Variants in ELK4 observed in about 807,000 individuals in gnomAD.
ELK4 encodes ETS transcription factor ELK4, also known as ETS domain-containing protein Elk-4.
A neutral mutation model predicts 29.6 loss-of-function variants in ELK4; 16 were observed. That is an observed-to-expected ratio of 0.54 (90% CI 0.37 to 0.82). The LOEUF is 0.82. Ranked by LOEUF, ELK4 falls within the 40% of genes least tolerant of loss-of-function variation. The probability of loss-of-function intolerance (pLI) is 0.00; values close to 1 mark genes in which losing one functional copy is unlikely to be tolerated. For missense variants in ELK4, 465 were observed against 507.1 expected (o/e 0.92, Z 0.80); for synonymous variants, 213 against 191.1 (o/e 1.11, Z -0.95).
intron 1 of ELK4, among the ~76,000 whole-genome samples, chr1:205,631,391 C>T (rs918345199): frequency 3.7e-5 from 4 of 108,736 alleles, no homozygotes; most frequent in Admixed American, 9.9e-5. Flanking sequence ...CGCCACCTTT[C>T]GCCCACGAGA....
rs139227147 is a variant in ELK4 at position 205,617,058 on chromosome 1, C to T, written c.1198-414G>A. 2.0e-3 allele frequency among the ~76,000 whole-genome samples: 307 copies of T among 152,264 alleles called. 3 individuals are homozygous for T. In the South Asian group the frequency reaches 0.028, roughly 14 times the overall value. On this transcript the variant is annotated intron_variant, in intron 4 of 4. Transcript: ENST00000357992. ...CCAGAAAGGTATAAATAGCACTCATCCTAGAAAAGGGTTCCCCATCAAGTA... is the reference window on the plus strand; with the variant it reads ...CCAGAAAGGTATAAATAGCACTCATTCTAGAAAAGGGTTCCCCATCAAGTA...
intron 1 of ELK4, among the ~76,000 whole-genome samples, chr1:205,630,684 T>C (rs969424471): frequency 2.0e-5 from 3 of 152,340 alleles, no homozygotes; most frequent in South Asian, 2.1e-4. Context: ...ACTACCTCAC[T>C]AGGAATGAAC....
intron 4 of ELK4, among the ~76,000 whole-genome samples, chr1:205,618,470 T>C (rs1235031032): frequency 1.3e-5 from 2 of 152,218 alleles, no homozygotes; most frequent in Non-Finnish European, 2.9e-5. Context: ...TTTGCTATAT[T>C]TATTCAAGCT....
At position 205,620,594 on chromosome 1, in the gene ELK4, G is replaced by C. The variant is rs1670321262; in HGVS notation, c.452C>G (p.Thr151Ser). 1.2e-6 allele frequency: 2 copies of C among 1,614,196 alleles called. No homozygotes were observed. Among genetic ancestry groups the C allele is most frequent in the Non-Finnish European group, 1.7e-6 (2 of 1,180,028 alleles). ...ATTGGAGGAGTTCAAAGAGTTGAGA[G>C]TAAATGAAGAATATAAGCCAGAGTG... is the stretch of plus-strand genomic sequence containing the variant. ...YIHSGLYSSF[T>S]LNSLNSSNVK... The change falls in exon 3 of 5, where the codon ACT (threonine) becomes AGT (serine). Residue 151 changes from threonine (T) to serine (S), a missense_variant. By Grantham distance (58) the Thr-to-Ser change is moderately conservative. Transcript: ENST00000357992.
chr1:205,619,739 A>G, intron 3 of ELK4: 1 of 1,467,314 alleles, frequency 6.8e-7, no homozygotes, highest in Non-Finnish European at 9.0e-7. Context: ...CAAAATATTT[A>G]TTTACTTGTA....
rs113880556 is a variant in ELK4, at chr1:205,622,397, T to C, written c.207+1279A>G. On this transcript the variant is annotated intron_variant, in intron 2 of 4. Coordinates refer to ENST00000357992, the MANE Select transcript of ELK4 (RefSeq NM_001973.4). ...ATGTAGATATATGTGTGTGTGTATA[T>C]GTACATATATGACTTTTCTCCCCAA... 2.3e-3 allele frequency among the ~76,000 whole-genome samples: 351 copies of C among 152,358 alleles called. 1 individual carries two copies. Among genetic ancestry groups the C allele is most frequent in the African/African-American group, 8.1e-3 (338 of 41,580 alleles).
At position 205,610,955 on chromosome 1, in the gene ELK4, T is replaced by C. The variant is rs1048525518; in HGVS notation, c.*5591A>G. 5 of 226,180 alleles carry C rather than the reference T, an allele frequency of 2.2e-5. No homozygotes were observed. Among genetic ancestry groups the C allele is most frequent in the East Asian group, 1.3e-4 (2 of 15,624 alleles). The allele number at this position is 226,180 out of a possible 1,614,324, so 14.0% of individuals were successfully genotyped here. A position where few individuals can be genotyped will look rare whatever the true frequency, so the allele number is the denominator to read the frequency against. On this transcript the variant is annotated 3_prime_UTR_variant, in exon 5 of 5. Transcript: ENST00000357992. Reference sequence around the variant, plus strand: ...CTGATGTGGACTATACTCAAATGATTAGCACTCAAGAGATTAACTATGTTT... The same window carrying C: ...CTGATGTGGACTATACTCAAATGATCAGCACTCAAGAGATTAACTATGTTT...
intron 1 of ELK4, among the ~76,000 whole-genome samples, chr1:205,627,942 T>C (rs1055383773): frequency 2.3e-4 from 35 of 152,356 alleles, no homozygotes; most frequent in Non-Finnish European, 5.9e-5. Context: ...TCAGAATTCA[T>C]GGAAAAGCTG....
Position 205,610,170 on chromosome 1 carries a change from CT to C in ELK4, c.*6375del, listed in dbSNP as rs749390040. 1.5e-4 allele frequency: 34 copies of C among 232,074 alleles called. No individual in the cohort carries two copies. The highest frequency in any genetic ancestry group is 2.5e-4 in the Non-Finnish European group (29 of 117,392). The allele number at this position is 232,074 out of a possible 1,614,324, so 14.4% of individuals were successfully genotyped here. A position where few individuals can be genotyped will look rare whatever the true frequency, so the allele number is the denominator to read the frequency against. On this transcript the variant is annotated 3_prime_UTR_variant, in exon 5 of 5. Transcript: ENST00000357992. The stretch of plus-strand genomic sequence containing the variant: ...GCCAGCCACAGGAAACCCCCACCTC[CT>C]CCCCGACCCCATCCAGAAGATCCCA...
At chr1:205,624,045 A>G (rs1452723819) in intron 1 of ELK4, among the ~76,000 whole-genome samples, 154 bp from the exon 2 acceptor site, 3 of 152,186 alleles carry the variant, frequency 2.0e-5, no homozygotes, top group Admixed American at 2.0e-4. Flanking sequence ...TACGTAAGAA[A>G]AAACTGATTC....
At chr1:205,629,719 AAAAT>A (rs1256962536) in intron 1 of ELK4, among the ~76,000 whole-genome samples, 7 of 140,832 alleles carry the variant, frequency 5.0e-5, no homozygotes, top group Non-Finnish European at 7.6e-5. Context: ...CCTGTCTCAA[AAAAT>A]AAATAAATAA....
At position 205,613,118 on chromosome 1, in the gene ELK4, A is replaced by G; in HGVS notation, c.*3428T>C. 5.0e-6 allele frequency: 1 copy of G among 199,180 alleles called. No individual in the cohort carries two copies. Among genetic ancestry groups the G allele is most frequent in the Admixed American group, 6.0e-5 (1 of 16,572 alleles). The allele number at this position is 199,180 out of a possible 1,614,324, so 12.3% of individuals were successfully genotyped here. On this transcript the variant is annotated 3_prime_UTR_variant, in exon 5 of 5. Coordinates refer to ENST00000357992, the MANE Select transcript of ELK4 (RefSeq NM_001973.4). ...GAAATTTCCACCTTTGTTCGAACAC[A>G]TAAAGTATGCCATGAGCAATATAAC...
intron 4 of ELK4, among the ~76,000 whole-genome samples, chr1:205,618,176 G>A (rs976418020): frequency 2.6e-5 from 4 of 151,978 alleles, no homozygotes; most frequent in South Asian, 2.1e-4. Flanking sequence ...CCACAGGCAC[G>A]TGCTACCATG....
rs186548123 is a variant in ELK4 at position 205,623,997 on chromosome 1, C to T, written c.-9-106G>A. ...TGCTCTAAATGTATTAATTCATCCC[C>T]ACATTTCTATAAGGTAGATACTACT... On this transcript the variant is annotated intron_variant, in intron 1 of 4. Coordinates refer to ENST00000357992, the MANE Select transcript of ELK4 (RefSeq NM_001973.4). 462 of 1,026,246 alleles carry T rather than the reference C, an allele frequency of 4.5e-4. 1 individual carries two copies. Among genetic ancestry groups the T allele is most frequent in the Admixed American group, 1.1e-3 (50 of 44,664 alleles). 63.6% of individuals were successfully genotyped at this position (1,026,246 alleles called of 1,614,324 possible).
intron 2 of ELK4, 39 bp from the exon 3 acceptor site, chr1:205,620,877 T>C (rs756578963): frequency 7.7e-6 from 12 of 1,550,140 alleles, no homozygotes; most frequent in Non-Finnish European, 2.6e-6. Flanking sequence ...TCCTTTCTTA[T>C]AAACTTATAT....
rs1271423185 is a variant in ELK4 at position 205,614,513 on chromosome 1, C to G, written c.*2033G>C. 4.4e-6 allele frequency: 1 copy of G among 228,394 alleles called. No homozygotes were observed. 14.1% of individuals were successfully genotyped at this position (228,394 alleles called of 1,614,324 possible). A position where few individuals can be genotyped will look rare whatever the true frequency, so the allele number is the denominator to read the frequency against. On this transcript the variant is annotated 3_prime_UTR_variant, in exon 5 of 5. Transcript: ENST00000357992. ...ATGTCTGTTCCCCATCACTATTAAACAATACCTTTCAACACTACTATTGCA... is the reference window on the plus strand; with the variant it reads ...ATGTCTGTTCCCCATCACTATTAAAGAATACCTTTCAACACTACTATTGCA...
At chr1:205,618,908 C>G in intron 4 of ELK4, 49 bp downstream of exon 4, 1 of 1,435,582 alleles carries the variant, frequency 7.0e-7, no homozygotes, top group Non-Finnish European at 9.6e-7. Flanking sequence ...TTGCCTCTTT[C>G]TTCATTTAAC....
chr1:205,625,294 T>TA (rs34460220), intron 1 of ELK4, among the ~76,000 whole-genome samples: 2,220 of 148,254 alleles, frequency 0.015, 54 homozygotes, highest in African/African-American at 0.052. Flanking sequence ...CGCCTACGAC[T>TA]AAAAAAAAAA....
intron 1 of ELK4, among the ~76,000 whole-genome samples, chr1:205,628,433 G>A (rs570385007): frequency 7.2e-5 from 11 of 152,274 alleles, no homozygotes; most frequent in African/African-American, 2.6e-4. Context: ...CTGCTTATAG[G>A]GGTGGAGTAT....
Sources: allele counts gnomAD v4.1 joint callset (sites outside exome capture counted in the v4.1 genomes callset), GRCh38; gene constraint gnomAD v4.1.1; transcripts MANE v1.5; gene names NCBI Gene and HGNC (gene_info 2026-07-23, HGNC 2026-07-21).